GON4L: variants seen among roughly 807,000 people sequenced by gnomAD.
GON4L encodes the protein gon-4 like.
A neutral mutation model predicts 211.8 loss-of-function variants in GON4L; 87 were observed. That is an observed-to-expected ratio of 0.41 (90% CI 0.35 to 0.49). The LOEUF is 0.49. Among genes scored for constraint, GON4L ranks in the 20% least tolerant of loss-of-function variants. GON4L has a pLI of 0.15. For synonymous variants in GON4L, 875 were observed against 962.6 expected (o/e 0.91, Z 1.68); for missense variants, 2,155 against 2,659.5 (o/e 0.81, Z 4.17).
chr1:155,810,334 T>C (rs1397142930), intron 10 of GON4L, among the ~76,000 whole-genome samples: 1 of 152,034 alleles, frequency 6.6e-6, no homozygotes, highest in Non-Finnish European at 1.5e-5. Context: ...TTTTAAATTA[T>C]TATATCATAC....
At chr1:155,756,157 A>G (rs1441142500) in intron 27 of GON4L, among the ~76,000 whole-genome samples, 1 of 152,162 alleles carries the variant, frequency 6.6e-6, no homozygotes, top group Non-Finnish European at 1.5e-5. Flanking sequence ...ATCTCTCCAT[A>G]GGATTACTGT....
At chr1:155,748,513 G>A, downstream of GON4L, 1 of 1,613,852 alleles carries the variant, frequency 6.2e-7, no homozygotes, top group South Asian at 1.1e-5. Flanking sequence ...CTGACATGCT[G>A]AGCTTCTGTG....
intron 2 of GON4L, among the ~76,000 whole-genome samples, chr1:155,842,089 A>C (rs981200098): frequency 1.4e-4 from 22 of 152,148 alleles, no homozygotes; most frequent in Non-Finnish European, 2.6e-4. Flanking sequence ...GGGTTGGACA[A>C]GCCTCACTAT....
intron 18 of GON4L, among the ~76,000 whole-genome samples, chr1:155,772,590 C>CAA (rs796482955): frequency 1.1e-4 from 8 of 69,800 alleles, no homozygotes; most frequent in Admixed American, 1.7e-4. Context: ...CTCATCTCTA[C>CAA]AAAAAAAAAA....
chr1:155,804,983 C>A lies in GON4L; in HGVS notation c.1611G>T (p.Leu537=), dbSNP rs183849388. 6.8e-6 allele frequency: 11 copies of A among 1,613,958 alleles called. No individual in the cohort carries two copies. The Admixed American group carries it at 1.8e-4, about 27-fold the overall frequency. The change falls in exon 11 of 32, where the codon CTG becomes CTT. Residue 537 remains leucine (L), a synonymous_variant. Transcript: ENST00000368331. ...TADDEDWKMW[L]GGLMNDDVGN... The stretch of plus-strand genomic sequence containing the variant: ...CCACATCATCATTCATAAGTCCCCC[C>A]AGCCACATCTTCCAGTCCTCATCAT...
intron 19 of GON4L, among the ~76,000 whole-genome samples, chr1:155,768,024 G>A (rs1662723385): frequency 6.6e-6 from 1 of 152,152 alleles, no homozygotes; most frequent in Non-Finnish European, 1.5e-5. Flanking sequence ...AAGAGTAAAT[G>A]AAGGTTGGGC....
At chr1:155,815,956 T>C (rs1668200040) in intron 7 of GON4L, 56 bp from the exon 8 acceptor site, 2 of 1,086,914 alleles carry the variant, frequency 1.8e-6, no homozygotes, top group Admixed American at 1.7e-5. Context: ...ATCATACGTA[T>C]TTGGAAAATA....
chr1:155,837,038 A>G (rs1163197606), intron 2 of GON4L, among the ~76,000 whole-genome samples: 3 of 152,116 alleles, frequency 2.0e-5, no homozygotes, highest in Middle Eastern at 3.2e-3. Context: ...GGGGACCCTC[A>G]CTGGCCAATG....
chr1:155,748,077 C>T, downstream of GON4L: 3 of 1,609,020 alleles, frequency 1.9e-6, no homozygotes, highest in South Asian at 1.1e-5. Flanking sequence ...GGGTGGGAGC[C>T]TGGGCCTGCG....
chr1:155,800,488 C>T (rs984791118), intron 11 of GON4L, among the ~76,000 whole-genome samples: 4 of 151,416 alleles, frequency 2.6e-5, no homozygotes, highest in Admixed American at 1.3e-4. Flanking sequence ...ACCTGAGAGG[C>T]GGAGGTTGCG....
At chr1:155,814,547 C>T in intron 8 of GON4L, 98 bp from the exon 9 acceptor site, 1 of 1,263,904 alleles carries the variant, frequency 7.9e-7, no homozygotes, top group Non-Finnish European at 1.1e-6. Flanking sequence ...ATATCAATCA[C>T]TCAGCCTGGC....
At chr1:155,813,042 G>GAC (rs1667933674) in intron 10 of GON4L, among the ~76,000 whole-genome samples, 1 of 152,126 alleles carries the variant, frequency 6.6e-6, no homozygotes, top group East Asian at 1.9e-4. Flanking sequence ...AAGCAATTGT[G>GAC]GTAAAAGGTT....
At chr1:155,849,417 G>A (rs192118982) in intron 2 of GON4L, among the ~76,000 whole-genome samples, 18 of 150,434 alleles carry the variant, frequency 1.2e-4, no homozygotes, top group East Asian at 8.0e-4. Flanking sequence ...GGTGGCGGGC[G>A]CCTGTAGTCC....
intron 10 of GON4L, among the ~76,000 whole-genome samples, chr1:155,807,710 A>AAAAAAG (rs1553209995): frequency 6.8e-6 from 1 of 148,028 alleles, no homozygotes; most frequent in Non-Finnish European, 1.5e-5. Flanking sequence ...TCTCAAAAAA[A>AAAAAAG]AAAAAAAAAA....
chr1:155,769,057 C>T (rs72706147), intron 19 of GON4L, among the ~76,000 whole-genome samples: 3,155 of 152,162 alleles, frequency 0.021, 47 homozygotes, highest in Non-Finnish European at 0.031. Flanking sequence ...GCTTACTGAA[C>T]CTCTGTCTCC....
chr1:155,819,913 TTTTG>T lies in GON4L; in HGVS notation c.1014+689_1014+692del, dbSNP rs1181154252. 9.2e-5 allele frequency among the ~76,000 whole-genome samples: 14 copies of T among 152,150 alleles called. No individual in the cohort carries two copies. In the East Asian group the frequency reaches 2.5e-3, roughly 27 times the overall value. ...GGTGGGCTCAAAAGTATGGAGATTT[TTTTG>T]TTTGTTTTTGTTTTTTTGAGACAGT... is the stretch of plus-strand genomic sequence containing the variant. On this transcript the variant is annotated intron_variant, in intron 6 of 31. Coordinates refer to ENST00000368331, the MANE Select transcript of GON4L (RefSeq NM_001282860.2).
At chr1:155,824,434 CAAAAAAA>C (rs769823401) in intron 3 of GON4L, among the ~76,000 whole-genome samples, 8 of 7,438 alleles carry the variant, frequency 1.1e-3, no homozygotes, top group East Asian at 3.7e-3. Flanking sequence ...AACTCCACAT[CAAAAAAA>C]AAAAAAAAAA....
chr1:155,837,614 ATCTC>A (rs147315633), intron 2 of GON4L, among the ~76,000 whole-genome samples: 2,701 of 147,918 alleles, frequency 0.018, 24 homozygotes, highest in Middle Eastern at 0.06. Flanking sequence ...GGCTTGCTGT[ATCTC>A]TCTCTCTCTC....
chr1:155,848,689 C>T (rs1671476176), intron 2 of GON4L, among the ~76,000 whole-genome samples: 1 of 152,082 alleles, frequency 6.6e-6, no homozygotes, highest in Non-Finnish European at 1.5e-5. Context: ...GAGGTTAGAA[C>T]TATGTCTTCT....
Sources: allele counts gnomAD v4.1 joint callset (sites outside exome capture counted in the v4.1 genomes callset), GRCh38; gene constraint gnomAD v4.1.1; transcripts MANE v1.5; gene names NCBI Gene and HGNC (gene_info 2026-07-23, HGNC 2026-07-21).